Variants in LRRC28 observed in about 807,000 individuals in gnomAD.
LRRC28 encodes the protein leucine-rich repeat-containing protein 28.
LRRC28 carries 39 observed loss-of-function variants against 45.7 expected under a neutral mutation model. The ratio of observed to expected loss-of-function variants is 0.85; its 90% CI spans 0.66 to 1.12. The LOEUF (loss-of-function observed/expected upper bound fraction) is 1.12, where lower values mean the gene tolerates loss of function less well. LRRC28 is among the 50% of genes most tolerant of loss of function. LRRC28 has a pLI of 0.00. For synonymous variants in LRRC28, 206 were observed against 178.8 expected, an observed-to-expected ratio of 1.15 and a Z score of -1.22; for missense variants, 435 against 438.5, an observed-to-expected ratio of 0.99 and a Z score of 0.07.
intron 5 of LRRC28, among the ~76,000 whole-genome samples, chr15:99,289,539 T>C: frequency 6.6e-6 from 1 of 152,252 alleles, no homozygotes. Flanking sequence ...GGTATTTCTT[T>C]GTTTTTTCAA....
At chr15:99,333,388 C>G (rs1323415028) in intron 5 of LRRC28, among the ~76,000 whole-genome samples, 2 of 152,182 alleles carry the variant, frequency 1.3e-5, no homozygotes, top group South Asian at 2.1e-4. Context: ...TTAACTGTAT[C>G]TCATTTTATT....
chr15:99,352,158 G>T (rs1413091521), intron 6 of LRRC28, among the ~76,000 whole-genome samples: 1 of 152,200 alleles, frequency 6.6e-6, no homozygotes, highest in East Asian at 1.9e-4. Context: ...TTAGGAACCT[G>T]ACTAAAGTTT....
intron 5 of LRRC28, among the ~76,000 whole-genome samples, chr15:99,314,883 A>G (rs1224219399): frequency 1.3e-5 from 2 of 152,324 alleles, no homozygotes; most frequent in East Asian, 3.9e-4. Flanking sequence ...ATGCAGGACA[A>G]TGGAATTTAC....
At chr15:99,373,731 G>C (rs562762934) in intron 9 of LRRC28, among the ~76,000 whole-genome samples, 1 of 152,196 alleles carries the variant, frequency 6.6e-6, no homozygotes, top group African/African-American at 2.4e-5. Flanking sequence ...AATTTCCTGA[G>C]TTAAGAAAAA....
chr15:99,281,146 G>C (rs1417316661), intron 3 of LRRC28, among the ~76,000 whole-genome samples: 1 of 151,920 alleles, frequency 6.6e-6, no homozygotes, highest in Non-Finnish European at 1.5e-5. Flanking sequence ...TCCCATCTCA[G>C]CCTCCCAAGT....
chr15:99,373,413 A>G (rs1027858568), intron 9 of LRRC28, among the ~76,000 whole-genome samples: 1 of 152,154 alleles, frequency 6.6e-6, no homozygotes, highest in Non-Finnish European at 1.5e-5. Flanking sequence ...TTGTGGGTAC[A>G]TAGTAGATAT....
rs1476287973 is a variant in LRRC28, at chr15:99,282,176, G to GTTTTTTTTT, written c.210-5081_210-5080insTTTTTTTTT. Among the ~76,000 whole-genome samples, 17 of 33,876 alleles carry GTTTTTTTTT rather than the reference G, an allele frequency of 5.0e-4. 1 individual carries two copies. Among genetic ancestry groups the GTTTTTTTTT allele is most frequent in the East Asian group, 2.8e-3 (4 of 1,450 alleles). 22.2% of individuals were successfully genotyped at this position (33,876 alleles called of 152,430 possible). ...GGGATTCCTTATGCAAATTTTTGGAGGTTTTTTTTTTTTTTGTAGCAGTAG... is the reference window on the plus strand; with the variant it reads ...GGGATTCCTTATGCAAATTTTTGGAGTTTTTTTTTGTTTTTTTTTTTTTTGTAGCAGTAG... On this transcript the variant is annotated intron_variant, in intron 3 of 9. Transcript: ENST00000301981.
At position 99,390,459 on chromosome 15, in the gene LRRC28, G is replaced by T. The variant is rs1958152398; in HGVS notation, c.*4357G>T. On this transcript the variant is annotated 3_prime_UTR_variant, in exon 10 of 10. Transcript: ENST00000301981. ...CAAGTGTGGATTATCTTTGCTACCT[G>T]TGTTAAAGAATATCAGGTTTTGTTT... is the stretch of plus-strand genomic sequence containing the variant. 1 of 152,134 alleles carries T rather than the reference G, an allele frequency of 6.6e-6. No homozygotes were observed. Among genetic ancestry groups the T allele is most frequent in the Non-Finnish European group, 1.5e-5 (1 of 68,032 alleles). 9.4% of individuals were successfully genotyped at this position (152,134 alleles called of 1,614,324 possible). A position where few individuals can be genotyped will look rare whatever the true frequency, so the allele number is the denominator to read the frequency against.
At chr15:99,292,415 A>C (rs368749367) in intron 5 of LRRC28, among the ~76,000 whole-genome samples, 2 of 137,542 alleles carry the variant, frequency 1.5e-5, no homozygotes, top group Admixed American at 8.0e-5. Flanking sequence ...CGGACTGCGG[A>C]CTGCAGTGGT....
chr15:99,266,328 A>G (rs566559526), intron 2 of LRRC28, among the ~76,000 whole-genome samples: 1 of 152,336 alleles, frequency 6.6e-6, no homozygotes, highest in South Asian at 2.1e-4. Flanking sequence ...AAGAAGTGAT[A>G]AAACACTAAT....
intron 3 of LRRC28, chr15:99,285,458 T>G: frequency 5.8e-5 from 49 of 850,584 alleles, no homozygotes; most frequent in Non-Finnish European, 9.2e-5. Context: ...ACACAGTCCG[T>G]GAGCGTTCCC....
At chr15:99,319,419 C>CT (rs1245624339) in intron 5 of LRRC28, among the ~76,000 whole-genome samples, 3 of 152,104 alleles carry the variant, frequency 2.0e-5, no homozygotes, top group African/African-American at 7.2e-5. Flanking sequence ...AACAAAGATG[C>CT]TAACTTTTAG....
At chr15:99,309,001 A>G (rs1052708723) in intron 5 of LRRC28, among the ~76,000 whole-genome samples, 1 of 151,758 alleles carries the variant, frequency 6.6e-6, no homozygotes, top group African/African-American at 2.4e-5. Context: ...CTGTATTATC[A>G]CTCCCTTCTC....
intron 6 of LRRC28, chr15:99,338,492 C>G (rs1190739034): frequency 6.6e-6 from 1 of 152,136 alleles, no homozygotes; most frequent in African/African-American, 2.4e-5. Context: ...CACGTGTACC[C>G]CTAAGGTTTT....
intron 5 of LRRC28, among the ~76,000 whole-genome samples, chr15:99,298,227 T>C (rs142636059): frequency 3.3e-4 from 51 of 152,306 alleles, no homozygotes; most frequent in African/African-American, 1.1e-3. Flanking sequence ...GCAGTACTTC[T>C]TATAGAATTA....
intron 5 of LRRC28, chr15:99,326,722 T>C (rs1438241308): frequency 6.6e-6 from 1 of 152,216 alleles, no homozygotes; most frequent in Non-Finnish European, 1.5e-5. Flanking sequence ...TAAAAAAATG[T>C]ACACTCAGAA....
chr15:99,344,760 A>G (rs993239100), intron 6 of LRRC28, among the ~76,000 whole-genome samples: 1 of 152,328 alleles, frequency 6.6e-6, no homozygotes, highest in Non-Finnish European at 1.5e-5. Context: ...TGATCTTTGC[A>G]TGTCACCTCA....
chr15:99,324,469 A>C (rs904919527), intron 5 of LRRC28, among the ~76,000 whole-genome samples: 1 of 151,794 alleles, frequency 6.6e-6, no homozygotes, highest in Admixed American at 6.6e-5. Flanking sequence ...TAAAAATATC[A>C]AGTCTGTCAT....
At chr15:99,293,695 G>T (rs1382218392) in intron 5 of LRRC28, among the ~76,000 whole-genome samples, 5 of 133,452 alleles carry the variant, frequency 3.7e-5, no homozygotes, top group South Asian at 4.9e-4. Context: ...CTTTTCTTAA[G>T]AGACACAGTC....
Sources: allele counts gnomAD v4.1 joint callset (sites outside exome capture counted in the v4.1 genomes callset), GRCh38; gene constraint gnomAD v4.1.1; transcripts MANE v1.5; gene names NCBI Gene and HGNC (gene_info 2026-07-23, HGNC 2026-07-21).